Variants in CSPG4 observed in about 807,000 individuals in gnomAD.
CSPG4 encodes chondroitin sulfate proteoglycan 4, also known as chondroitin sulfate proteoglycan 4 (melanoma-associated).
CSPG4 carries 74 observed loss-of-function variants against 139.3 expected under a neutral mutation model. That is an observed-to-expected ratio of 0.53 (90% CI 0.44 to 0.64). CSPG4 has a LOEUF of 0.64. Among genes scored for constraint, CSPG4 ranks in the 30% least tolerant of loss-of-function variants. The pLI, the probability that CSPG4 is intolerant of heterozygous loss-of-function variation, is 0.00. For missense variants in CSPG4, 2,565 were observed against 3,148.3 expected, an observed-to-expected ratio of 0.81 and a Z score of 4.43; for synonymous variants, 1,234 against 1,394.2, an observed-to-expected ratio of 0.89 and a Z score of 2.56.
At chr15:75,679,149 A>G (rs1237695844) in intron 8 of CSPG4, 2 of 181,518 alleles carry the variant, frequency 1.1e-5, no homozygotes, top group Non-Finnish European at 2.3e-5. Flanking sequence ...TGAACCCCAG[A>G]CTCATGTTTC....
At chr15:75,705,774 C>T (rs1894361182) in intron 1 of CSPG4, among the ~76,000 whole-genome samples, 1 of 152,160 alleles carries the variant, frequency 6.6e-6, no homozygotes, top group Admixed American at 6.5e-5. Context: ...CTCTCAGCTG[C>T]TCGCAGACTC....
At chr15:75,682,213 A>G in intron 8 of CSPG4, 80 bp downstream of exon 8, 2 of 1,531,216 alleles carry the variant, frequency 1.3e-6, no homozygotes, top group South Asian at 1.1e-5. Context: ...GCTGGCATCC[A>G]TGTCCACATG....
At chr15:75,681,549 C>T (rs760437683) in intron 8 of CSPG4, among the ~76,000 whole-genome samples, 7 of 152,218 alleles carry the variant, frequency 4.6e-5, no homozygotes, top group Non-Finnish European at 1.0e-4. Context: ...AGCCTCCTGG[C>T]GGGAGCATCA....
Position 75,675,699 on chromosome 15 carries a change from T to C in CSPG4, c.6820A>G (p.Thr2274Ala). The C allele has an allele frequency of 1.3e-6, 2 of 1,573,098 alleles. No homozygotes were observed. The highest frequency in any genetic ancestry group is 1.7e-6 in the Non-Finnish European group (2 of 1,157,208). ...PRNGLAGDTE[T>A]FRKVEPGQAI... ...TGGCCTGGCTCCACCTTGCGAAAGGTCTCGGTGTCACCAGCCAGGCCGTTG... is the reference window on the plus strand; with the variant it reads ...TGGCCTGGCTCCACCTTGCGAAAGGCCTCGGTGTCACCAGCCAGGCCGTTG... Residue 2274 changes from threonine to alanine, a missense_variant, in exon 10 of 10, where the codon ACC (threonine) becomes GCC (alanine). By Grantham distance (58) the Thr-to-Ala change is moderately conservative. Transcript: ENST00000308508.
In CSPG4 at chr15:75,690,040, A is replaced by T. The variant is rs768999230; in HGVS notation, c.1025T>A (p.Leu342Gln). ...GGAGGCATTGGTGGCCTCTGGTGTC[A>T]GGCCCAGGCGGTGTTCCTGGAGGTG... Reference protein sequence around the residue: ...SRHLQEHRLGLTPEATNASLL... With the variant: ...SRHLQEHRLGQTPEATNASLL... Residue 342 changes from leucine to glutamine, a missense_variant, in exon 3 of 10, where the codon CTG (leucine) becomes CAG (glutamine). By Grantham distance (113) the Leu-to-Gln change is moderately radical. Coordinates refer to ENST00000308508, the MANE Select transcript of CSPG4 (RefSeq NM_001897.5). 12 of 1,611,744 alleles carry T rather than the reference A, an allele frequency of 7.4e-6. No individual in the cohort carries two copies. The Admixed American group carries it at 1.7e-4, about 22-fold the overall frequency.
chr15:75,687,299 C>T lies in CSPG4; in HGVS notation c.3766G>A (p.Glu1256Lys). 6.2e-7 allele frequency: 1 copy of T among 1,611,332 alleles called. No homozygotes were observed. Among genetic ancestry groups the T allele is most frequent in the Non-Finnish European group, 8.5e-7 (1 of 1,179,952 alleles). The change falls in exon 3 of 10, where the codon GAG becomes AAG. Residue 1256 changes from glutamate to lysine, a missense_variant. By Grantham distance (56) the Glu-to-Lys change is moderately conservative (BLOSUM62 1). Transcript: ENST00000308508. The surrounding 1 kb of genome is among the most constrained non-coding windows in gnomAD (Gnocchi z 5.4). ...KIYVFQGEAA[E>K]IRRDQLEAAQ... Reference sequence around the variant, plus strand: ...ACCTCCAGCTGGTCCCTTCTGATCTCAGCTGCCTCTCCCTGGAAGACGTAG... The same window carrying T: ...ACCTCCAGCTGGTCCCTTCTGATCTTAGCTGCCTCTCCCTGGAAGACGTAG...
In CSPG4 at chr15:75,689,319, G is replaced by A. The variant is rs1340265711; in HGVS notation, c.1746C>T (p.Asp582=). The A allele has an allele frequency of 4.3e-6, 7 of 1,611,146 alleles. No individual in the cohort carries two copies. Among genetic ancestry groups the A allele is most frequent in the Non-Finnish European group, 5.1e-6 (6 of 1,179,856 alleles). ...PLGPEVFQAY[D]PDSACEGLTF... is the part of the protein sequence containing the mutation. ...TGAGGCCCTCACAGGCAGAGTCCGG[G>A]TCATAGGCCTGGAAAACCTCAGGCC... Residue 582 remains aspartate, a synonymous_variant, in exon 3 of 10, where the codon GAC becomes GAT. Transcript: ENST00000308508.
chr15:75,688,844 C>A lies in CSPG4; in HGVS notation c.2221G>T (p.Val741Leu). The stretch of plus-strand genomic sequence containing the variant: ...TGTGGGTCAGTGCTCAGGTACCTCA[C>A]GCGGCCCTGCTCCACATCCCGCTGG... ...FHQRDVEQGR[V>L]RYLSTDPQHH... Residue 741 changes from valine (V) to leucine (L), a missense_variant, in exon 3 of 10, where the codon GTG becomes TTG. Val to Leu is a conservative substitution (Grantham distance 32). Transcript: ENST00000308508. 1 of 1,612,584 alleles carries A rather than the reference C, an allele frequency of 6.2e-7. No homozygotes were observed.
In CSPG4 at chr15:75,698,520, C is replaced by A. The variant is rs2141435680; in HGVS notation, c.89-5287G>T. ...CTTCCGCCACCAATCTACTTCCAAC[C>A]AAGCAGGCAGGGCATGGGTGAGTGT... is the stretch of plus-strand genomic sequence containing the variant. On this transcript the variant is annotated intron_variant, in intron 1 of 9. Coordinates refer to ENST00000308508, the MANE Select transcript of CSPG4 (RefSeq NM_001897.5). The surrounding 1 kb of genome is among the most constrained non-coding windows in gnomAD (Gnocchi z 4.3). Among the ~76,000 whole-genome samples the A allele has an allele frequency of 6.6e-6, 1 of 152,024 alleles. No individual in the cohort carries two copies. The highest frequency in any genetic ancestry group is 2.1e-4 in the South Asian group (1 of 4,804).
At chr15:75,710,274 AC>A (rs1319909620) in intron 1 of CSPG4, among the ~76,000 whole-genome samples, 1 of 151,782 alleles carries the variant, frequency 6.6e-6, no homozygotes, top group African/African-American at 2.4e-5. Flanking sequence ...GCTCACTGTG[AC>A]CCCCCGACTA....
rs748605508 is a variant in CSPG4, at chr15:75,690,397, T to C, written c.668A>G (p.Glu223Gly). Residue 223 changes from glutamate to glycine, a missense_variant, in exon 3 of 10, where the codon GAA (glutamate) becomes GGA (glycine). By Grantham distance (98) the Glu-to-Gly change is moderately conservative (BLOSUM62 -2). Coordinates refer to ENST00000308508, the MANE Select transcript of CSPG4 (RefSeq NM_001897.5). ...GGTGAGTGTAAACTCTAGGGTTCCT[T>C]CGTCCTGAGTGCCCCAGGCAGGGAA... The part of the protein sequence containing the change: ...AAFPAWGTQD[E>G]GTLEFTLTTQ... 8.5e-5 allele frequency: 137 copies of C among 1,609,202 alleles called. No individual in the cohort carries two copies. The highest frequency in any genetic ancestry group is 1.1e-4 in the Non-Finnish European group (133 of 1,178,386).
Position 75,690,558 on chromosome 15 carries a change from G to C in CSPG4, c.507C>G (p.Cys169Trp). The C allele has an allele frequency of 6.2e-7, 1 of 1,608,966 alleles. No homozygotes were observed. The highest frequency in any genetic ancestry group is 1.1e-5 in the South Asian group (1 of 90,818). ...GGCCATTGAGGGTGGCTGCATGGAGGCAACCCCTCAGGGGTCGGCTGGTTC... is the reference window on the plus strand; with the variant it reads ...GGCCATTGAGGGTGGCTGCATGGAGCCAACCCCTCAGGGGTCGGCTGGTTC... ...LRGTSRPLRG[C>W]LHAATLNGRS... The change falls in exon 3 of 10, where the codon TGC becomes TGG. Residue 169 changes from cysteine (C) to tryptophan (W), a missense_variant. Cys to Trp is a radical substitution (Grantham distance 215, BLOSUM62 -2). This residue lies in a region of CSPG4 where 132 missense variants were observed against 132.3 expected (regional missense o/e 1.00). Transcript: ENST00000308508.
At chr15:75,710,791 G>C (rs1894438551) in intron 1 of CSPG4, among the ~76,000 whole-genome samples, 1 of 152,080 alleles carries the variant, frequency 6.6e-6, no homozygotes. Context: ...GCTGGACCAG[G>C]AGTGGTGACA....
chr15:75,675,591 T>G lies in CSPG4; in HGVS notation c.6928A>C (p.Thr2310Pro). 6.6e-7 allele frequency: 1 copy of G among 1,512,412 alleles called. No homozygotes were observed. The highest frequency in any genetic ancestry group is 8.8e-7 in the Non-Finnish European group (1 of 1,130,908). 93.7% of individuals were successfully genotyped at this position (1,512,412 alleles called of 1,614,324 possible). ...PDPELLQFCR[T>P]PNPALKNGQY... ...CCATTCTTAAGGGCAGGGTTGGGTG[T>G]CCGGCAGAACTGCAGCAGCTCTGGG... The change falls in exon 10 of 10, where the codon ACA (threonine) becomes CCA (proline). Residue 2310 changes from threonine to proline, a missense_variant. Around this residue, in one of 5 missense-constraint regions of CSPG4, gnomAD observed 2,316 missense variants for 2,818.2 expected, o/e 0.82. Transcript: ENST00000308508.
Position 75,687,643 on chromosome 15 carries a change from C to G in CSPG4, c.3422G>C (p.Gly1141Ala), listed in dbSNP as rs1483942615. 1 of 1,612,692 alleles carries G rather than the reference C, an allele frequency of 6.2e-7. No individual in the cohort carries two copies. ...CACGGCCGTGTCGATGGTGCCCTGG[C>G]CTCCTTGAGGGACCACAAGGCTGGA... ...NGSSLVVPQG[G>A]QGTIDTAVLH... is the part of the protein sequence containing the mutation. Residue 1141 changes from glycine (G) to alanine (A), a missense_variant, in exon 3 of 10, where the codon GGC becomes GCC. Physicochemically the swap from Gly to Ala is moderately conservative, Grantham distance 60. Coordinates refer to ENST00000308508, the MANE Select transcript of CSPG4 (RefSeq NM_001897.5). The surrounding 1 kb of genome is among the most constrained non-coding windows in gnomAD (Gnocchi z 5.4).
At position 75,690,162 on chromosome 15, in the gene CSPG4, G is replaced by A; in HGVS notation, c.903C>T (p.Asp301=). The change falls in exon 3 of 10, where the codon GAC becomes GAT. Residue 301 remains aspartate, a synonymous_variant. Coordinates refer to ENST00000308508, the MANE Select transcript of CSPG4 (RefSeq NM_001897.5). ...INAHRLEISV[D]QYPTHTSNRG... ...GGTTCGAAGTATGCGTAGGGTACTGGTCCACGGAGATTTCCAGCCGGTGAG... is the reference window on the plus strand; with the variant it reads ...GGTTCGAAGTATGCGTAGGGTACTGATCCACGGAGATTTCCAGCCGGTGAG... The A allele has an allele frequency of 6.2e-7, 1 of 1,613,140 alleles. No individual in the cohort carries two copies. Among genetic ancestry groups the A allele is most frequent in the Non-Finnish European group, 8.5e-7 (1 of 1,179,906 alleles).
intron 8 of CSPG4, chr15:75,678,605 C>T (rs757115011): frequency 8.8e-5 from 40 of 454,774 alleles, no homozygotes; most frequent in African/African-American, 2.8e-4. Flanking sequence ...CCACTTGCCT[C>T]GGCCTCCCAG....
intron 9 of CSPG4, among the ~76,000 whole-genome samples, 155 bp downstream of exon 9, chr15:75,677,548 G>A (rs749745260): frequency 3.9e-5 from 6 of 152,166 alleles, no homozygotes; most frequent in Non-Finnish European, 5.9e-5. Context: ...CTATGTCCCC[G>A]CTGTGATGTC....
chr15:75,683,071 C>T (rs780418776), intron 5 of CSPG4, 30 bp from the exon 6 acceptor site: 7 of 1,593,984 alleles, frequency 4.4e-6, no homozygotes, highest in South Asian at 3.3e-5. Flanking sequence ...AAGGTTCTGC[C>T]TTGCCGCACT....
Sources: allele counts gnomAD v4.1 joint callset (sites outside exome capture counted in the v4.1 genomes callset), GRCh38; gene constraint gnomAD v4.1.1; regional missense constraint gnomAD v4.1.1; non-coding constraint Gnocchi (gnomAD v3.1); transcripts MANE v1.5; gene names NCBI Gene and HGNC (gene_info 2026-07-23, HGNC 2026-07-21).